CNTN3: variants seen among roughly 807,000 people sequenced by gnomAD.
CNTN3 encodes the protein contactin 3.
CNTN3 carries 60 observed loss-of-function variants against 119.1 expected under a neutral mutation model. The ratio of observed to expected loss-of-function variants is 0.50; its 90% CI spans 0.41 to 0.62. The LOEUF (loss-of-function observed/expected upper bound fraction) is 0.62, where lower values mean the gene tolerates loss of function less well. Among genes scored for constraint, CNTN3 ranks in the 20% least tolerant of loss-of-function variants. CNTN3 has a pLI of 0.00. For synonymous variants in CNTN3, 450 were observed against 438.7 expected (o/e 1.03, Z -0.32); for missense variants, 1,101 against 1,242.4 (o/e 0.89, Z 1.71).
At chr3:74,334,537 T>A (rs1044065663) in intron 13 of CNTN3, among the ~76,000 whole-genome samples, 198 bp downstream of exon 13, 3 of 152,250 alleles carry the variant, frequency 2.0e-5, no homozygotes, top group African/African-American at 4.8e-5. Context: ...ATTGTAATTA[T>A]ACATTGAAGT....
At chr3:74,555,297 C>T (rs1376544712) in intron 1 of CNTN3, among the ~76,000 whole-genome samples, 1 of 152,086 alleles carries the variant, frequency 6.6e-6, no homozygotes, top group African/African-American at 2.4e-5. Flanking sequence ...TTTTGATGTG[C>T]TGCTGGATTT....
chr3:74,600,630 A>C (rs1010713282), intron 1 of CNTN3, among the ~76,000 whole-genome samples: 3 of 152,088 alleles, frequency 2.0e-5, no homozygotes, highest in Non-Finnish European at 4.4e-5. Flanking sequence ...GCAGTCTATT[A>C]CTTTAGATTC....
intron 20 of CNTN3, among the ~76,000 whole-genome samples, chr3:74,268,284 T>A (rs970843415): frequency 7.2e-5 from 11 of 152,162 alleles, no homozygotes; most frequent in African/African-American, 2.4e-4. Flanking sequence ...CAGTTTCTTG[T>A]CAATAACAAC....
At chr3:74,310,123 C>G (rs752655921) in intron 13 of CNTN3, among the ~76,000 whole-genome samples, 36 of 152,032 alleles carry the variant, frequency 2.4e-4, no homozygotes, top group Non-Finnish European at 4.0e-4. Context: ...TGGATCAAAT[C>G]TCATTATTTT....
intron 1 of CNTN3, among the ~76,000 whole-genome samples, chr3:74,599,669 A>C (rs892608193): frequency 3.3e-5 from 5 of 152,104 alleles, no homozygotes; most frequent in Non-Finnish European, 5.9e-5. Flanking sequence ...TAGGATACAA[A>C]AAACCATGTA....
chr3:74,298,085 G>C lies in CNTN3; in HGVS notation c.2273C>G (p.Thr758Ser), dbSNP rs139253363. The C allele has an allele frequency of 1.5e-4, 235 of 1,613,840 alleles. No homozygotes were observed. Among genetic ancestry groups the C allele is most frequent in the Non-Finnish European group, 1.8e-4 (216 of 1,179,932 alleles). The change falls in exon 18 of 23, where the codon ACC becomes AGC. Residue 758 changes from threonine to serine, a missense_variant. Transcript: ENST00000263665. The stretch of plus-strand genomic sequence containing the variant: ...TTCATTCCTAAAGACATATCTTGGG[G>C]TGTCAGGGGATGTCACCACTGTCTG... ...WIQTVVTSPD[T>S]PRYVFRNESI...
Position 74,263,829 on chromosome 3 carries a change from T to C in CNTN3, c.*572A>G, listed in dbSNP as rs1460401306. On this transcript the variant is annotated 3_prime_UTR_variant, in exon 23 of 23. Transcript: ENST00000263665. ...GATGGCAAAGTGATTTGTAAAGTCT[T>C]ACAACTAGTTAGCAGCATACCAAAC... 6.6e-6 allele frequency: 1 copy of C among 152,090 alleles called. No individual in the cohort carries two copies. The highest frequency in any genetic ancestry group is 1.9e-4 in the East Asian group (1 of 5,186). 9.4% of individuals were successfully genotyped at this position (152,090 alleles called of 1,614,324 possible).
At position 74,324,674 on chromosome 3, in the gene CNTN3, T is replaced by A. The variant is rs551618160; in HGVS notation, c.1668+10061A>T. Among the ~76,000 whole-genome samples, 8 of 152,252 alleles carry A rather than the reference T, an allele frequency of 5.3e-5. No individual in the cohort carries two copies. In the South Asian group the frequency reaches 1.7e-3, roughly 32 times the overall value. On this transcript the variant is annotated intron_variant, in intron 13 of 22. Coordinates refer to ENST00000263665, the MANE Select transcript of CNTN3 (RefSeq NM_020872.3). ...CTTCTGTAACCTTTACGAACATTGGTTCTAAAATCTGCCTGTCTCTCCTCA... is the reference window on the plus strand; with the variant it reads ...CTTCTGTAACCTTTACGAACATTGGATCTAAAATCTGCCTGTCTCTCCTCA...
intron 4 of CNTN3, among the ~76,000 whole-genome samples, chr3:74,454,142 G>C (rs1264347476): frequency 1.6e-5 from 2 of 125,424 alleles, no homozygotes; most frequent in Admixed American, 1.7e-4. Flanking sequence ...ATGTGTGGGA[G>C]TCTAAGTCTC....
At chr3:74,307,876 AATTAC>A (rs1702596646) in intron 13 of CNTN3, among the ~76,000 whole-genome samples, 1 of 152,214 alleles carries the variant, frequency 6.6e-6, no homozygotes, top group African/African-American at 2.4e-5. Flanking sequence ...TAAGAAAAAA[AATTAC>A]ATTTTGATGG....
intron 5 of CNTN3, among the ~76,000 whole-genome samples, chr3:74,392,742 T>C (rs748789166): frequency 2.6e-5 from 4 of 152,124 alleles, no homozygotes; most frequent in Non-Finnish European, 4.4e-5. Flanking sequence ...TATTAAAAGA[T>C]TGATGCAATA....
At chr3:74,589,781 A>G (rs529410041) in intron 1 of CNTN3, among the ~76,000 whole-genome samples, 81 of 151,780 alleles carry the variant, frequency 5.3e-4, no homozygotes, top group Non-Finnish European at 2.8e-4. Context: ...GCAGCCATAA[A>G]AAATGATGAG....
intron 1 of CNTN3, among the ~76,000 whole-genome samples, chr3:74,565,326 G>C (rs1182820987): frequency 1.3e-5 from 2 of 152,076 alleles, no homozygotes; most frequent in Non-Finnish European, 2.9e-5. Context: ...TCCTTGCCTT[G>C]TGGCCCCTTC....
At chr3:74,352,040 A>G (rs528059667) in intron 11 of CNTN3, among the ~76,000 whole-genome samples, 8 of 152,228 alleles carry the variant, frequency 5.3e-5, no homozygotes, top group Non-Finnish European at 1.2e-4. Context: ...TTAAGAGAAG[A>G]GTTCTGCCTC....
intron 7 of CNTN3, 78 bp downstream of exon 7, chr3:74,369,811 G>T (rs1282113592): frequency 1.4e-6 from 1 of 730,434 alleles, no homozygotes; most frequent in South Asian, 1.9e-5. Context: ...TAAAAAAGAA[G>T]AGTCTCTCAA....
intron 1 of CNTN3, among the ~76,000 whole-genome samples, chr3:74,527,081 T>C (rs541454886): frequency 2.0e-5 from 3 of 152,040 alleles, no homozygotes; most frequent in African/African-American, 7.2e-5. Flanking sequence ...TGTGTATACC[T>C]ATATAGATAT....
At chr3:74,549,070 C>G (rs1703952655) in intron 1 of CNTN3, among the ~76,000 whole-genome samples, 1 of 152,142 alleles carries the variant, frequency 6.6e-6, no homozygotes, top group Non-Finnish European at 1.5e-5. Flanking sequence ...TGTCCTCACC[C>G]AAATCTCATG....
intron 1 of CNTN3, among the ~76,000 whole-genome samples, chr3:74,576,334 T>C (rs1394457374): frequency 6.6e-6 from 1 of 152,080 alleles, no homozygotes. Flanking sequence ...AGTGTTCCCA[T>C]CTCCATAGCC....
chr3:74,545,794 A>G (rs371154010), intron 1 of CNTN3, among the ~76,000 whole-genome samples: 15 of 152,200 alleles, frequency 9.9e-5, no homozygotes, highest in African/African-American at 2.9e-4. Context: ...CCCAAAACTG[A>G]TAAGATTTTT....
Sources: allele counts gnomAD v4.1 joint callset (sites outside exome capture counted in the v4.1 genomes callset), GRCh38; gene constraint gnomAD v4.1.1; transcripts MANE v1.5; gene names NCBI Gene and HGNC (gene_info 2026-07-23, HGNC 2026-07-21).